Variants in CFAP65 observed in about 807,000 individuals in gnomAD.
CFAP65 encodes the protein cilia- and flagella-associated protein 65.
CFAP65 carries 155 observed loss-of-function variants against 208.0 expected under a neutral mutation model. That is an observed-to-expected ratio of 0.75 (90% CI 0.65 to 0.85). CFAP65 has a LOEUF of 0.85. Among genes scored for constraint, CFAP65 ranks in the 40% least tolerant of loss-of-function variants. The pLI, the probability that CFAP65 is intolerant of heterozygous loss-of-function variation, is 0.00. For synonymous variants in CFAP65, 970 were observed against 986.3 expected (o/e 0.98, Z 0.31); for missense variants, 2,294 against 2,451.3 (o/e 0.94, Z 1.36).
chr2:219,025,420 C>T (rs1947563730), intron 14 of CFAP65, among the ~76,000 whole-genome samples: 1 of 152,152 alleles, frequency 6.6e-6, no homozygotes, highest in Admixed American at 6.5e-5. Context: ...AAGTCTAATG[C>T]AAAACCTCCA....
chr2:219,010,452 G>T, intron 26 of CFAP65, 94 bp downstream of exon 26: 2 of 1,342,546 alleles, frequency 1.5e-6, no homozygotes, highest in Admixed American at 2.6e-5. Flanking sequence ...TACATCTCAT[G>T]TCCCTCCCAG....
At chr2:219,021,647 G>T in intron 18 of CFAP65, 133 bp downstream of exon 18, 1 of 1,020,962 alleles carries the variant, frequency 9.8e-7, no homozygotes, top group Non-Finnish European at 1.4e-6. Flanking sequence ...CTGGGCTCAA[G>T]CAATACTCCC....
chr2:219,027,523 C>A, intron 13 of CFAP65, 127 bp downstream of exon 13: 1 of 1,609,892 alleles, frequency 6.2e-7, no homozygotes, highest in Non-Finnish European at 8.5e-7. Context: ...ACTGTCCAGC[C>A]AAGAGAAAGC....
rs188624109 is a variant in CFAP65, at chr2:219,022,910, C to A, written c.2820+297G>T. Among the ~76,000 whole-genome samples the A allele has an allele frequency of 4.5e-3, 681 of 152,266 alleles. 5 individuals are homozygous for A. Among genetic ancestry groups the A allele is most frequent in the Non-Finnish European group, 7.2e-3 (487 of 68,020 alleles). ...CCCAATGACCTCCCAGCTTTGGGGA[C>A]CATGGATGGGGAGGTGACATGCCTC... On this transcript the variant is annotated intron_variant, in intron 16 of 34. Transcript: ENST00000341552.
rs1947392723 is a variant in CFAP65, at chr2:219,023,285, C to G, written c.2742G>C (p.Glu914Asp). The G allele has an allele frequency of 6.2e-7, 1 of 1,613,338 alleles. No individual in the cohort carries two copies. The highest frequency in any genetic ancestry group is 2.2e-5 in the East Asian group (1 of 44,874). ...RNPSRLPLQF[E>D]WRVSEQHRKL... Reference sequence around the variant, plus strand: ...TTCGATGCTGCTCAGAGACCCTCCACTCGAACTGCAGGGGCAGACGCGAGG... The same window carrying G: ...TTCGATGCTGCTCAGAGACCCTCCAGTCGAACTGCAGGGGCAGACGCGAGG... The change falls in exon 16 of 35, where the codon GAG (glutamate) becomes GAC (aspartate). Residue 914 changes from glutamate (E) to aspartate (D), a missense_variant. This residue lies in a region of CFAP65 where 1,427 missense variants were observed against 1,438.7 expected (regional missense o/e 0.99). Transcript: ENST00000341552.
At chr2:219,025,983 C>T (rs891745473) in intron 14 of CFAP65, 39 bp downstream of exon 14, 35 of 1,607,060 alleles carry the variant, frequency 2.2e-5, no homozygotes, top group Non-Finnish European at 2.7e-5. Context: ...AGCTAGGGCT[C>T]CCCTGTCTCC....
At position 219,013,853 on chromosome 2, in the gene CFAP65, G is replaced by A. The variant is rs201781037; in HGVS notation, c.3779+15C>T. On this transcript the variant is annotated intron_variant, in intron 22 of 34. Transcript: ENST00000341552. Reference sequence around the variant, plus strand: ...TATGACTGGAAGTGCAGGGGGTTTGGGGGGTGGGGAACACCTGTATTTTAA... The same window carrying A: ...TATGACTGGAAGTGCAGGGGGTTTGAGGGGTGGGGAACACCTGTATTTTAA... The A allele has an allele frequency of 7.8e-5, 123 of 1,573,944 alleles. No individual in the cohort carries two copies. The highest frequency in any genetic ancestry group is 9.7e-5 in the Non-Finnish European group (113 of 1,159,104).
At chr2:219,019,314 C>T (rs1383358194) in intron 20 of CFAP65, 135 bp from the exon 21 acceptor site, 1 of 1,251,412 alleles carries the variant, frequency 8.0e-7, no homozygotes, top group Non-Finnish European at 1.1e-6. Flanking sequence ...CAAGGGTGGG[C>T]TGGCTCTTCA....
chr2:219,005,443 G>A lies in CFAP65; in HGVS notation c.5042C>T (p.Thr1681Ile). Residue 1681 changes from threonine (T) to isoleucine (I), a missense_variant, in exon 32 of 35, where the codon ACA becomes ATA. This residue lies in a region of CFAP65 where 1,427 missense variants were observed against 1,438.7 expected (regional missense o/e 0.99). Transcript: ENST00000341552. ...GGGTGTGAGCTGGTACCTGATTATT[G>A]TGGTGAGAATGTCAACCAGGAGCTG... ...KKQLLVDILTTIIRGLLEDKN... is the reference protein window; with the variant it reads ...KKQLLVDILTIIIRGLLEDKN... The A allele has an allele frequency of 1.2e-6, 2 of 1,613,858 alleles. No homozygotes were observed. Among genetic ancestry groups the A allele is most frequent in the Non-Finnish European group, 8.5e-7 (1 of 1,179,974 alleles).
chr2:219,009,985 T>A lies in CFAP65; in HGVS notation c.4409A>T (p.Glu1470Val). Reference protein sequence around the residue: ...LFLNNISKNEEIAFSWQPSPL... With the variant: ...LFLNNISKNEVIAFSWQPSPL... ...ACTTGGCTGCCAGGAGAAGGCAATT[T>A]CCTCGTTCTTGGAGATGTTGTTGAG... The change falls in exon 27 of 35, where the codon GAA (glutamate) becomes GTA (valine). Residue 1470 changes from glutamate to valine, a missense_variant. Physicochemically the swap from Glu to Val is moderately radical, Grantham distance 121. This residue lies in a region of CFAP65 where 1,427 missense variants were observed against 1,438.7 expected (regional missense o/e 0.99). Transcript: ENST00000341552. 6.2e-7 allele frequency: 1 copy of A among 1,612,792 alleles called. No homozygotes were observed.
chr2:219,007,918 A>C (rs2106075729), intron 29 of CFAP65, among the ~76,000 whole-genome samples: 1 of 151,894 alleles, frequency 6.6e-6, no homozygotes, highest in Non-Finnish European at 1.5e-5. Flanking sequence ...TCCCGGGTTC[A>C]AGCGATTCTC....
chr2:219,005,619 G>A, intron 31 of CFAP65, 57 bp from the exon 32 acceptor site: 1 of 1,599,520 alleles, frequency 6.3e-7, no homozygotes, highest in Non-Finnish European at 8.5e-7. Context: ...TGGGGTTGGG[G>A]GCACAAGCAG....
rs772580613 is a variant in CFAP65 at position 219,027,906 on chromosome 2, C to T, written c.1955G>A (p.Ser652Asn). Residue 652 changes from serine (S) to asparagine (N), a missense_variant, in exon 13 of 35, where the codon AGT (serine) becomes AAT (asparagine). By Grantham distance (46) the Ser-to-Asn change is conservative (BLOSUM62 1). Coordinates refer to ENST00000341552, the MANE Select transcript of CFAP65 (RefSeq NM_194302.4). The stretch of plus-strand genomic sequence containing the variant: ...GAAGTCTACCTCGACAGGCTCTACA[C>T]TGATGGGCGGGGGGAAGATGGTTAT... ...SDITIFPPPI[S>N]VEPVEVDFGA... 3.3e-6 allele frequency: 5 copies of T among 1,532,972 alleles called. No homozygotes were observed. In the South Asian group the frequency reaches 6.5e-5, roughly 20 times the overall value. 95.0% of individuals were successfully genotyped at this position (1,532,972 alleles called of 1,614,324 possible).
intron 21 of CFAP65, among the ~76,000 whole-genome samples, chr2:219,017,539 G>A (rs763884945): frequency 2.0e-5 from 3 of 152,264 alleles, no homozygotes; most frequent in Non-Finnish European, 4.4e-5. Flanking sequence ...CAACAAAAAA[G>A]CATAGGAGAG....
At chr2:219,019,938 C>G (rs955978356) in intron 19 of CFAP65, among the ~76,000 whole-genome samples, 2 of 152,206 alleles carry the variant, frequency 1.3e-5, no homozygotes, top group Non-Finnish European at 2.9e-5. Context: ...TATACACATG[C>G]CTGCACTTAA....
Position 219,004,369 on chromosome 2 carries a change from TC to T in CFAP65, c.5137del (p.Glu1713SerfsTer15). 6.2e-7 allele frequency: 1 copy of T among 1,614,114 alleles called. No individual in the cohort carries two copies. The highest frequency in any genetic ancestry group is 8.5e-7 in the Non-Finnish European group (1 of 1,180,026). ...QVPYFRQFWN[E>X]QSTKFMDQKN... ...CTGGTCCATGAACTTAGTTGACTGCTCATTCCAGAATTGGCGGAAGTACGGC... is the reference window on the plus strand; with the variant it reads ...CTGGTCCATGAACTTAGTTGACTGCTATTCCAGAATTGGCGGAAGTACGGC... On this transcript the variant is annotated frameshift_variant, in exon 33 of 35. Coordinates refer to ENST00000341552, the MANE Select transcript of CFAP65 (RefSeq NM_194302.4). LOFTEE classifies it high-confidence loss of function. The surrounding 1 kb of genome is among the most constrained non-coding windows in gnomAD (Gnocchi z 4.7).
intron 17 of CFAP65, 82 bp downstream of exon 17, chr2:219,022,089 C>T: frequency 2.6e-6 from 4 of 1,511,722 alleles, no homozygotes; most frequent in Non-Finnish European, 3.6e-6. Context: ...TCCCTCCCAC[C>T]TTGGGAGGTT....
At chr2:219,027,243 G>A in intron 13 of CFAP65, 1 of 1,356,084 alleles carries the variant, frequency 7.4e-7, no homozygotes, top group Non-Finnish European at 9.5e-7. Context: ...CAATTATCTG[G>A]TGCTGCTGAC....
rs5838715 is a variant in CFAP65, at chr2:219,031,925, C to CTTTTT, written c.646-272_646-268dup. ...ATGTAGAAGGGGTTTCTTTTCTTTTCTTTTTTTTTTTTTTTTTTTGAGTCT... is the reference window on the plus strand; with the variant it reads ...ATGTAGAAGGGGTTTCTTTTCTTTTCTTTTTTTTTTTTTTTTTTTTTTTTGAGTCT... On this transcript the variant is annotated intron_variant, in intron 6 of 34. Coordinates refer to ENST00000341552, the MANE Select transcript of CFAP65 (RefSeq NM_194302.4). This position sits in a 1 kb window ranked among gnomAD's most constrained non-coding sequence, Gnocchi z 5.2. 9.9e-4 allele frequency among the ~76,000 whole-genome samples: 130 copies of CTTTTT among 131,280 alleles called. No homozygotes were observed. Among genetic ancestry groups the CTTTTT allele is most frequent in the Non-Finnish European group, 1.4e-3 (84 of 60,792 alleles). The allele number at this position is 131,280 out of a possible 152,430, so 86.1% of individuals were successfully genotyped here.
Sources: gnomAD v4.1 joint callset for allele counts (sites outside exome capture counted in the v4.1 genomes callset) on GRCh38, gnomAD v4.1.1 for gene constraint, gnomAD v4.1.1 regional missense constraint, Gnocchi (gnomAD v3.1) non-coding constraint, MANE v1.5 for transcripts, NCBI Gene and HGNC (gene_info 2026-07-23, HGNC 2026-07-21) for gene names.